The following WNK4 variants were observed in gnomAD, a reference collection of about 807,000 sequenced individuals.
WNK4 encodes WNK lysine deficient protein kinase 4.
In WNK4, 94 loss-of-function variants were observed where a neutral mutation model predicts 116.2. That is an observed-to-expected ratio of 0.81 (90% confidence interval 0.68 to 0.96). The LOEUF (loss-of-function observed/expected upper bound fraction) is 0.96. WNK4 is among the 40% of genes least tolerant of loss of function. The pLI is 0.00. For missense variants in WNK4, 1,542 were observed against 1,650.6 expected (o/e 0.93, Z 1.14); for synonymous variants, 655 against 672.7 (o/e 0.97, Z 0.41).
Position 42,788,131 on chromosome 17 carries a change from C to T in WNK4, c.1865C>T (p.Ala622Val). ...TCATGAACCCTTATCCTGTTTCAGG[C>T]TTTTGCCCTATCCATTCCACGTTCT... ...LAESHLCLPS[A>V]FALSIPRSGP... The change falls in exon 9 of 19, where the codon GCT (alanine) becomes GTT (valine). Residue 622 changes from alanine to valine, a missense_variant and splice_region_variant. Transcript: ENST00000246914. 3 of 1,614,242 alleles carry T rather than the reference C, an allele frequency of 1.9e-6. No individual in the cohort carries two copies. The highest frequency in any genetic ancestry group is 2.5e-6 in the Non-Finnish European group (3 of 1,180,044).
In WNK4 at chr17:42,795,821, C is replaced by T. The variant is rs758837987; in HGVS notation, c.3219C>T (p.Ser1073=). The change falls in exon 16 of 19, where the codon AGC becomes AGT. Residue 1073 remains serine (S), a synonymous_variant. Transcript: ENST00000246914. ...AGACCAGGGAAGCTCTGGCTGAGAG[C>T]GACCGTGCAGCTGAGGGTCTGGGGG... The part of the protein sequence containing the change: ...GPETREALAE[S]DRAAEGLGAG... 41 of 1,613,670 alleles carry T rather than the reference C, an allele frequency of 2.5e-5. No homozygotes were observed. Among genetic ancestry groups the T allele is most frequent in the South Asian group, 6.6e-5 (6 of 91,084 alleles).
At position 42,791,493 on chromosome 17, in the gene WNK4, G is replaced by A. The variant is rs140827900; in HGVS notation, c.2158-2099G>A. Among the ~76,000 whole-genome samples the A allele has an allele frequency of 4.1e-3, 626 of 152,250 alleles. 3 individuals carry two copies. Among genetic ancestry groups the A allele is most frequent in the African/African-American group, 0.015 (603 of 41,548 alleles). ...GTCTCTACTAAAAAATACAAAATTA[G>A]CTGGGCGTGGTGGCGCATGCCTGTA... On this transcript the variant is annotated intron_variant, in intron 11 of 18. Transcript: ENST00000246914.
rs201060010 is a variant in WNK4, at chr17:42,796,171, T to A, written c.3480T>A (p.Ile1160=). The A allele has an allele frequency of 2.5e-6, 4 of 1,613,790 alleles. No individual in the cohort carries two copies. The highest frequency in any genetic ancestry group is 3.4e-6 in the Non-Finnish European group (4 of 1,179,940). The change falls in exon 17 of 19, where the codon ATT becomes ATA. Residue 1160 remains isoleucine, a synonymous_variant. Coordinates refer to ENST00000246914, the MANE Select transcript of WNK4 (RefSeq NM_032387.5). The stretch of plus-strand genomic sequence containing the variant: ...TACAGACACTACAGAAAAAAGAAAT[T>A]GAAGATTTGTACAGCCGGCTGGGGA... ...ETLQTLQKKE[I]EDLYSRLGKQ...
chr17:42,785,074 G>A (rs1161191042), intron 4 of WNK4, 23 bp from the exon 5 acceptor site: 7 of 1,606,522 alleles, frequency 4.4e-6, no homozygotes, highest in Non-Finnish European at 5.9e-6. Context: ...AGGACGGGAG[G>A]TGTCATGCAA....
intron 6 of WNK4, among the ~76,000 whole-genome samples, 158 bp downstream of exon 6, chr17:42,785,640 C>A (rs1293373826): frequency 6.6e-6 from 1 of 152,200 alleles, no homozygotes; most frequent in Non-Finnish European, 1.5e-5. Context: ...ACCTCTCCAG[C>A]CCTAACTTAC....
At position 42,783,929 on chromosome 17, in the gene WNK4, T is replaced by C; in HGVS notation, c.792-8T>C. ...CCACCAGGACTCTGGCTATGCGCCC[T>C]CCCCCAGGTACCTGAGGCGGTTCCG... On this transcript the variant is annotated splice_polypyrimidine_tract_variant and splice_region_variant and intron_variant, in intron 2 of 18. Transcript: ENST00000246914. 6.2e-7 allele frequency: 1 copy of C among 1,611,472 alleles called. No individual in the cohort carries two copies.
rs1225190658 is a variant in WNK4 at position 42,785,314 on chromosome 17, C to G, written c.1308C>G (p.Arg436=). 6.2e-6 allele frequency: 10 copies of G among 1,612,002 alleles called. No homozygotes were observed. Among genetic ancestry groups the G allele is most frequent in the African/African-American group, 1.3e-5 (1 of 74,928 alleles). ...CCCACGCCTTCTTCCGCGAGGAGCG[C>G]GGTGTGCACGTGGAACTAGCGGAGG... ...LLAHAFFREE[R]GVHVELAEED... The change falls in exon 6 of 19, where the codon CGC becomes CGG. Residue 436 remains arginine, a synonymous_variant. Coordinates refer to ENST00000246914, the MANE Select transcript of WNK4 (RefSeq NM_032387.5).
At position 42,785,316 on chromosome 17, in the gene WNK4, G is replaced by T. The variant is rs1345421558; in HGVS notation, c.1310G>T (p.Gly437Val). Reference sequence around the variant, plus strand: ...CACGCCTTCTTCCGCGAGGAGCGCGGTGTGCACGTGGAACTAGCGGAGGAG... The same window carrying T: ...CACGCCTTCTTCCGCGAGGAGCGCGTTGTGCACGTGGAACTAGCGGAGGAG... ...LAHAFFREER[G>V]VHVELAEEDD... is the part of the protein sequence containing the mutation. Residue 437 changes from glycine to valine, a missense_variant, in exon 6 of 19, where the codon GGT becomes GTT. Gly to Val is a moderately radical substitution (Grantham distance 109). Coordinates refer to ENST00000246914, the MANE Select transcript of WNK4 (RefSeq NM_032387.5). The T allele has an allele frequency of 1.2e-6, 2 of 1,612,282 alleles. No individual in the cohort carries two copies. Among genetic ancestry groups the T allele is most frequent in the South Asian group, 1.1e-5 (1 of 90,754 alleles).
At position 42,796,926 on chromosome 17, in the gene WNK4, C is replaced by A; in HGVS notation, c.*238C>A. 1.3e-6 allele frequency: 1 copy of A among 753,064 alleles called. No individual in the cohort carries two copies. Among genetic ancestry groups the A allele is most frequent in the Admixed American group, 2.8e-5 (1 of 35,440 alleles). The allele number at this position is 753,064 out of a possible 1,614,324, so 46.6% of individuals were successfully genotyped here. A position where few individuals can be genotyped will look rare whatever the true frequency, so the allele number is the denominator to read the frequency against. On this transcript the variant is annotated 3_prime_UTR_variant, in exon 19 of 19. Coordinates refer to ENST00000246914, the MANE Select transcript of WNK4 (RefSeq NM_032387.5). ...CTGCCTACCATCTTCATCTCTAGCA[C>A]CTCCCCTGCCAAGAGTCAACCACTA...
Position 42,794,995 on chromosome 17 carries a change from C to T in WNK4, c.2574C>T (p.Pro858=), listed in dbSNP as rs912262271. The part of the protein sequence containing the change: ...SQVSSNPSPH[P]TSSPLPFSSS... ...TCTCCTCAAATCCCTCTCCACACCC[C>T]ACCAGCTCTCCACTTCCATTCTCCT... is the stretch of plus-strand genomic sequence containing the variant. The change falls in exon 14 of 19, where the codon CCC becomes CCT. Residue 858 remains proline (P), a synonymous_variant. Transcript: ENST00000246914. The T allele has an allele frequency of 6.2e-7, 1 of 1,613,320 alleles. No individual in the cohort carries two copies. Among genetic ancestry groups the T allele is most frequent in the Admixed American group, 1.7e-5 (1 of 59,914 alleles).
At chr17:42,788,910 T>C (rs2144044232) in intron 11 of WNK4, 113 bp downstream of exon 11, 1 of 866,528 alleles carries the variant, frequency 1.2e-6, no homozygotes, top group African/African-American at 1.6e-5. Flanking sequence ...TTTAAATCTC[T>C]GGTTGACACT....
rs1013565375 is a variant in WNK4, at chr17:42,793,688, A to G, written c.2254A>G (p.Thr752Ala). 4.3e-6 allele frequency: 7 copies of G among 1,614,074 alleles called. No individual in the cohort carries two copies. The highest frequency in any genetic ancestry group is 5.9e-6 in the Non-Finnish European group (7 of 1,180,002). The change falls in exon 12 of 19, where the codon ACT (threonine) becomes GCT (alanine). Residue 752 changes from threonine (T) to alanine (A), a missense_variant. Physicochemically the swap from Thr to Ala is moderately conservative, Grantham distance 58. Around this residue, in one of 7 missense-constraint regions of WNK4, gnomAD observed 808 missense variants for 873.6 expected, o/e 0.92. Coordinates refer to ENST00000246914, the MANE Select transcript of WNK4 (RefSeq NM_032387.5). ...QRVETLLKRD[T>A]GPMEAAEDTL... ...AGTGGAGACCCTGTTGAAGAGAGAC[A>G]CTGGCCCCATGGAGGCTGCTGAAGA...
At position 42,784,453 on chromosome 17, in the gene WNK4, C is replaced by G; in HGVS notation, c.1044C>G (p.Tyr348Ter). 1 of 1,613,802 alleles carries G rather than the reference C, an allele frequency of 6.2e-7. No homozygotes were observed. Among genetic ancestry groups the G allele is most frequent in the Non-Finnish European group, 8.5e-7 (1 of 1,179,902 alleles). ...CGGAATTCATGGCCCCCGAGATGTA[C>G]GAGGAAAAGTACGATGAGGCCGTGG... is the stretch of plus-strand genomic sequence containing the variant. Reference protein sequence around the residue: ...GTPEFMAPEMYEEKYDEAVDV... With the variant: ...GTPEFMAPEM The change falls in exon 4 of 19, where the codon TAC (tyrosine) becomes TAG (stop). Residue 348 changes from tyrosine (Y) to a stop codon, truncating the protein, a stop_gained. Coordinates refer to ENST00000246914, the MANE Select transcript of WNK4 (RefSeq NM_032387.5). LOFTEE classifies it high-confidence loss of function. The surrounding 1 kb of genome is among the most constrained non-coding windows in gnomAD (Gnocchi z 4.4).
Position 42,796,507 on chromosome 17 carries a change from GGCA to G in WNK4, c.3665_3667del (p.Ser1222del), listed in dbSNP as rs1260172735. On this transcript the variant is annotated inframe_deletion, in exon 18 of 19. Transcript: ENST00000246914. ...CATCATGCGAAGGAACTCTCTGAGT[GGCA>G]GCAGCACCGGCTCCCAGGAGCAGCG... 6.2e-7 allele frequency: 1 copy of G among 1,613,904 alleles called. No individual in the cohort carries two copies. Among genetic ancestry groups the G allele is most frequent in the African/African-American group, 1.3e-5 (1 of 74,938 alleles).
At position 42,782,729 on chromosome 17, in the gene WNK4, T is replaced by G; in HGVS notation, c.619-29T>G. Reference sequence around the variant, plus strand: ...TTCCTTTCTGTGGGTGTCCTGGGCCTGACATGACACCCGTCCCCCATCCCA... The same window carrying G: ...TTCCTTTCTGTGGGTGTCCTGGGCCGGACATGACACCCGTCCCCCATCCCA... On this transcript the variant is annotated intron_variant, in intron 1 of 18. Transcript: ENST00000246914. The surrounding 1 kb of genome is among the most constrained non-coding windows in gnomAD (Gnocchi z 4.2). 6.2e-7 allele frequency: 1 copy of G among 1,613,518 alleles called. No homozygotes were observed. The highest frequency in any genetic ancestry group is 8.5e-7 in the Non-Finnish European group (1 of 1,179,874).
At chr17:42,781,659 C>A (rs1413601335) in intron 1 of WNK4, among the ~76,000 whole-genome samples, 1 of 152,160 alleles carries the variant, frequency 6.6e-6, no homozygotes, top group Non-Finnish European at 1.5e-5. Flanking sequence ...ATCCCTTCCT[C>A]TCCCCTAAGT....
chr17:42,792,594 A>G (rs549654546), intron 11 of WNK4, among the ~76,000 whole-genome samples: 1 of 152,262 alleles, frequency 6.6e-6, no homozygotes, highest in East Asian at 1.9e-4. Context: ...TCTCACTTGT[A>G]AGTGCCTTAC....
chr17:42,783,957 A>G lies in WNK4; in HGVS notation c.812A>G (p.Glu271Gly), dbSNP rs1394321496. 6.2e-7 allele frequency: 1 copy of G among 1,613,508 alleles called. No homozygotes were observed. Among genetic ancestry groups the G allele is most frequent in the African/African-American group, 1.3e-5 (1 of 74,900 alleles). ...CCCAGGTACCTGAGGCGGTTCCGGG[A>G]GATGAAGCCGCGGGTCCTTCAGCGC... ...TLKTYLRRFR[E>G]MKPRVLQRWS... Residue 271 changes from glutamate to glycine, a missense_variant, in exon 3 of 19, where the codon GAG becomes GGG. Glu to Gly is a moderately conservative substitution (Grantham distance 98, BLOSUM62 -2). Transcript: ENST00000246914.
chr17:42,781,377 CA>C (rs2054481986), intron 1 of WNK4, 61 bp downstream of exon 1: 1 of 1,609,228 alleles, frequency 6.2e-7, no homozygotes, highest in Admixed American at 1.7e-5. Context: ...CTTAGGATGA[CA>C]GACAGAGGGT....
Sources: gnomAD v4.1 joint callset for allele counts (sites outside exome capture counted in the v4.1 genomes callset) on GRCh38, gnomAD v4.1.1 for gene constraint, gnomAD v4.1.1 regional missense constraint, Gnocchi (gnomAD v3.1) non-coding constraint, MANE v1.5 for transcripts, NCBI Gene and HGNC (gene_info 2026-07-23, HGNC 2026-07-21) for gene names.